The following ZFC3H1 variants were observed in gnomAD, a reference collection of about 807,000 sequenced individuals.
The protein encoded by ZFC3H1 is zinc finger C3H1-type containing.
Under a neutral mutation model 243.7 loss-of-function variants are expected in ZFC3H1, and 71 were observed. The ratio of observed to expected loss-of-function variants is 0.29; its 90% CI spans 0.24 to 0.36. The LOEUF (loss-of-function observed/expected upper bound fraction) is 0.36, where lower values mean the gene tolerates loss of function less well. Among genes scored for constraint, ZFC3H1 ranks in the 10% least tolerant of loss-of-function variants. ZFC3H1 has a pLI of 1.00. For synonymous variants in ZFC3H1, 838 were observed against 813.0 expected (o/e 1.03, Z -0.52); for missense variants, 1,966 against 2,317.1 (o/e 0.85, Z 3.11).
intron 11 of ZFC3H1, 116 bp from the exon 12 acceptor site, chr12:71,634,420 T>C (rs1880408507): frequency 1.6e-6 from 2 of 1,252,684 alleles, no homozygotes; most frequent in Non-Finnish European, 2.2e-6. Flanking sequence ...ATAATAAAGA[T>C]GATGACCAAT....
chr12:71,613,526 T>C, intron 30 of ZFC3H1, 91 bp from the exon 31 acceptor site: 2 of 750,836 alleles, frequency 2.7e-6, no homozygotes, highest in South Asian at 3.8e-5. Context: ...AAAATGGTCT[T>C]TAAGATATGA....
At chr12:71,642,604 G>C in intron 5 of ZFC3H1, 45 bp from the exon 6 acceptor site, 1 of 1,566,236 alleles carries the variant, frequency 6.4e-7, no homozygotes, top group Non-Finnish European at 8.6e-7. Flanking sequence ...TTTCTGTCTT[G>C]GGTTACAAAT....
chr12:71,621,631 G>A (rs1053763703), intron 24 of ZFC3H1, among the ~76,000 whole-genome samples: 5 of 151,856 alleles, frequency 3.3e-5, no homozygotes, highest in South Asian at 2.1e-4. Context: ...ATTTCCTACC[G>A]CCAACAATCA....
At chr12:71,627,652 A>G in intron 21 of ZFC3H1, 99 bp downstream of exon 21, 1 of 1,144,384 alleles carries the variant, frequency 8.7e-7, no homozygotes, top group Non-Finnish European at 1.2e-6. Flanking sequence ...CTCCATTGAT[A>G]CTAGGAAAGA....
chr12:71,631,809 G>A lies in ZFC3H1; in HGVS notation c.3439C>T (p.His1147Tyr). The A allele has an allele frequency of 6.2e-7, 1 of 1,613,454 alleles. No homozygotes were observed. The highest frequency in any genetic ancestry group is 8.5e-7 in the Non-Finnish European group (1 of 1,179,632). Residue 1147 changes from histidine to tyrosine, a missense_variant, in exon 16 of 35, where the codon CAT becomes TAT. His to Tyr is a moderately conservative substitution (Grantham distance 83, BLOSUM62 2). Transcript: ENST00000378743. ...GACTTAAAAACTAGAAGAGGACTAT[G>A]GTAGGGTCTAAAAGGACATGGCTTC... ...EVKPCPFRPY[H>Y]SPLLVFKSYR...
At chr12:71,615,003 A>G in intron 28 of ZFC3H1, 65 bp from the exon 29 acceptor site, 2 of 1,396,770 alleles carry the variant, frequency 1.4e-6, no homozygotes, top group Non-Finnish European at 2.0e-6. Context: ...GGAATGACAA[A>G]GTATTTTAAA....
At chr12:71,632,577 A>G in intron 14 of ZFC3H1, 63 bp from the exon 15 acceptor site, 1 of 1,491,258 alleles carries the variant, frequency 6.7e-7, no homozygotes, top group Non-Finnish European at 8.9e-7. Context: ...ATTTTTGGTA[A>G]GATAATTGTG....
At chr12:71,657,962 C>T (rs954984460) in intron 1 of ZFC3H1, among the ~76,000 whole-genome samples, 1 of 151,312 alleles carries the variant, frequency 6.6e-6, no homozygotes, top group African/African-American at 2.4e-5. Flanking sequence ...GCACTCCAGC[C>T]TGGGCAACAG....
rs757506020 is a variant in ZFC3H1, at chr12:71,634,145, CA to C, written c.2510+9del. The C allele has an allele frequency of 5.0e-6, 8 of 1,607,262 alleles. No homozygotes were observed. In the Admixed American group the frequency reaches 6.8e-5, roughly 14 times the overall value. The stretch of plus-strand genomic sequence containing the variant: ...GGAACAATTAGATATGTGAAGATAA[CA>C]AGGCTCACCTATGTTTTTTCAGTTT... On this transcript the variant is annotated intron_variant, in intron 12 of 34. Coordinates refer to ENST00000378743, the MANE Select transcript of ZFC3H1 (RefSeq NM_144982.5).
Position 71,619,350 on chromosome 12 carries a change from C to T in ZFC3H1, c.5109G>A (p.Pro1703=), listed in dbSNP as rs1325999598. 3.1e-6 allele frequency: 5 copies of T among 1,613,316 alleles called. No individual in the cohort carries two copies. The highest frequency in any genetic ancestry group is 2.7e-5 in the African/African-American group (2 of 74,810). ...CCAAGTTATTATACTTCTCAAACCC[C>T]GGTTTAAAGAAGGATGCAATAAATT... ...LRKFIASFFK[P]GFEKYNNLDL... Residue 1703 remains proline (P), a synonymous_variant, in exon 27 of 35, where the codon CCG becomes CCA. Coordinates refer to ENST00000378743, the MANE Select transcript of ZFC3H1 (RefSeq NM_144982.5).
At position 71,647,062 on chromosome 12, in the gene ZFC3H1, C is replaced by G. The variant is rs1034455368; in HGVS notation, c.1080+687G>C. On this transcript the variant is annotated intron_variant, in intron 3 of 34. Coordinates refer to ENST00000378743, the MANE Select transcript of ZFC3H1 (RefSeq NM_144982.5). Reference sequence around the variant, plus strand: ...AATGTGTATGTGTACGTTATATTATCATTTCTAAATTCAGGGCCATCTTTT... The same window carrying G: ...AATGTGTATGTGTACGTTATATTATGATTTCTAAATTCAGGGCCATCTTTT... Among the ~76,000 whole-genome samples, 6 of 152,142 alleles carry G rather than the reference C, an allele frequency of 3.9e-5. No individual in the cohort carries two copies. In the South Asian group the frequency reaches 1.0e-3, roughly 26 times the overall value.
rs1000002241 is a variant in ZFC3H1 at position 71,645,514 on chromosome 12, T to C, written c.1081-439A>G. On this transcript the variant is annotated intron_variant, in intron 3 of 34. Coordinates refer to ENST00000378743, the MANE Select transcript of ZFC3H1 (RefSeq NM_144982.5). The stretch of plus-strand genomic sequence containing the variant: ...TGTGATTTGCTGGCCTCACCAGTAA[T>C]AGAGAACAACAGACACACTGAATGT... Among the ~76,000 whole-genome samples the C allele has an allele frequency of 1.2e-4, 18 of 152,326 alleles. No homozygotes were observed. The East Asian group carries it at 2.7e-3, about 23-fold the overall frequency.
chr12:71,663,236 G>C lies in ZFC3H1; in HGVS notation c.375C>G (p.Ser125=), dbSNP rs749418676. Residue 125 remains serine, a synonymous_variant, in exon 1 of 35, where the codon TCC becomes TCG. Coordinates refer to ENST00000378743, the MANE Select transcript of ZFC3H1 (RefSeq NM_144982.5). The part of the protein sequence containing the change: ...PSVRMPSSSL[S]ESSPRPSFWE... ...AGAAAGACGGCCGGGGACTGCTTTC[G>C]GACAGTGAGCTCGAAGGCATCCGTA... 1.2e-6 allele frequency: 2 copies of C among 1,613,898 alleles called. No homozygotes were observed. Among genetic ancestry groups the C allele is most frequent in the Non-Finnish European group, 1.7e-6 (2 of 1,180,032 alleles).
At chr12:71,630,511 G>T in intron 18 of ZFC3H1, 89 bp downstream of exon 18, 1 of 1,464,244 alleles carries the variant, frequency 6.8e-7, no homozygotes, top group East Asian at 2.3e-5. Context: ...ATTATAGTAA[G>T]TATTTTACAA....
chr12:71,626,290 T>C lies in ZFC3H1; in HGVS notation c.4287A>G (p.Glu1429=). 1.9e-6 allele frequency: 3 copies of C among 1,613,990 alleles called. No individual in the cohort carries two copies. The highest frequency in any genetic ancestry group is 2.2e-5 in the East Asian group (1 of 44,854). Residue 1429 remains glutamate, a synonymous_variant, in exon 22 of 35, where the codon GAA becomes GAG. Coordinates refer to ENST00000378743, the MANE Select transcript of ZFC3H1 (RefSeq NM_144982.5). ...EVQEMCETAV[E]YAPDYQSFWT... ...AAAAGCTTTGATAATCTGGAGCATATTCAACAGCTGTTTCACACATTTCCT... is the reference window on the plus strand; with the variant it reads ...AAAAGCTTTGATAATCTGGAGCATACTCAACAGCTGTTTCACACATTTCCT...
At chr12:71,643,332 G>C (rs1450141303) in intron 5 of ZFC3H1, among the ~76,000 whole-genome samples, 1 of 151,762 alleles carries the variant, frequency 6.6e-6, no homozygotes, top group East Asian at 1.9e-4. Flanking sequence ...AGAATTGTTT[G>C]AACCTGGGAG....
At chr12:71,617,809 T>C (rs1292271902) in intron 27 of ZFC3H1, among the ~76,000 whole-genome samples, 2 of 152,206 alleles carry the variant, frequency 1.3e-5, no homozygotes, top group Admixed American at 6.5e-5. Flanking sequence ...TATTTGTAAA[T>C]ATTAATCTGG....
chr12:71,621,423 C>T (rs537090825), intron 24 of ZFC3H1, among the ~76,000 whole-genome samples: 3 of 152,140 alleles, frequency 2.0e-5, no homozygotes, highest in South Asian at 4.2e-4. Context: ...CCTGCCTCAG[C>T]CTCCCGAGTA....
chr12:71,629,099 G>A, intron 19 of ZFC3H1, 62 bp from the exon 20 acceptor site: 5 of 1,351,416 alleles, frequency 3.7e-6, no homozygotes, highest in Admixed American at 2.4e-5. Flanking sequence ...ACATTTTGAA[G>A]GATACTCAAA....
Sources: allele counts gnomAD v4.1 joint callset (sites outside exome capture counted in the v4.1 genomes callset), GRCh38; gene constraint gnomAD v4.1.1; transcripts MANE v1.5; gene names NCBI Gene and HGNC (gene_info 2026-07-23, HGNC 2026-07-21).